The following COL4A4 variants were observed in gnomAD, a reference collection of about 807,000 sequenced individuals.
COL4A4 encodes collagen alpha-4(IV) chain.
In COL4A4, 105 loss-of-function variants were observed where a neutral mutation model predicts 192.9. The ratio of observed to expected loss-of-function variants is 0.54; its 90% CI spans 0.46 to 0.64. The LOEUF (loss-of-function observed/expected upper bound fraction) is 0.64. Ranked by LOEUF, COL4A4 falls within the 30% of genes least tolerant of loss-of-function variation. The pLI, the probability that COL4A4 is intolerant of heterozygous loss-of-function variation, is 0.00. For synonymous variants in COL4A4, 762 were observed against 769.9 expected, an observed-to-expected ratio of 0.99 and a Z score of 0.17; for missense variants, 1,967 against 2,169.3, an observed-to-expected ratio of 0.91 and a Z score of 1.85.
In COL4A4 at chr2:227,010,126, T is replaced by G. The variant is rs183164105; in HGVS notation, c.4522+187A>C. On this transcript the variant is annotated intron_variant, in intron 46 of 47. Coordinates refer to ENST00000396625, the MANE Select transcript of COL4A4 (RefSeq NM_000092.5). ...ATAATAATTATAGCCAGAATGAGCTTCTTTGACACTTCATAGGATCATAAG... is the reference window on the plus strand; with the variant it reads ...ATAATAATTATAGCCAGAATGAGCTGCTTTGACACTTCATAGGATCATAAG... Among the ~76,000 whole-genome samples the G allele has an allele frequency of 2.1e-3, 322 of 152,318 alleles. 2 individuals are homozygous for G. Among genetic ancestry groups the G allele is most frequent in the African/African-American group, 7.2e-3 (299 of 41,556 alleles).
At chr2:227,081,931 G>C (rs2059348073) in intron 23 of COL4A4, among the ~76,000 whole-genome samples, 184 bp downstream of exon 23, 1 of 152,180 alleles carries the variant, frequency 6.6e-6, no homozygotes, top group Non-Finnish European at 1.5e-5. Flanking sequence ...TTTCAAATAA[G>C]AGACAGGGGA....
In COL4A4 at chr2:227,028,144, G is replaced by A. The variant is rs1002955458; in HGVS notation, c.3974-135C>T. Reference sequence around the variant, plus strand: ...ATAGCTAGCCTGAGAGTCAAGATTAGCCTCGCCTTCTTCTGTGAGGCTTAG... The same window carrying A: ...ATAGCTAGCCTGAGAGTCAAGATTAACCTCGCCTTCTTCTGTGAGGCTTAG... On this transcript the variant is annotated intron_variant, in intron 41 of 47. Coordinates refer to ENST00000396625, the MANE Select transcript of COL4A4 (RefSeq NM_000092.5). The A allele has an allele frequency of 7.2e-6, 5 of 696,140 alleles. No homozygotes were observed. The African/African-American group carries it at 9.0e-5, about 12-fold the overall frequency. The allele number at this position is 696,140 out of a possible 1,614,324, so 43.1% of individuals were successfully genotyped here. A position where few individuals can be genotyped will look rare whatever the true frequency, so the allele number is the denominator to read the frequency against.
intron 4 of COL4A4, among the ~76,000 whole-genome samples, chr2:227,132,918 T>C (rs2062574193): frequency 6.6e-6 from 1 of 152,236 alleles, no homozygotes; most frequent in Non-Finnish European, 1.5e-5. Flanking sequence ...ACCATTATAA[T>C]TCCTCATCTT....
intron 8 of COL4A4, 176 bp downstream of exon 8, chr2:227,114,452 G>A (rs557600774): frequency 1.1e-5 from 8 of 705,256 alleles, no homozygotes; most frequent in African/African-American, 3.5e-5. Flanking sequence ...TTTTACTGGC[G>A]ACTAAAGCCA....
At chr2:227,060,622 A>G (rs1360806907) in intron 26 of COL4A4, among the ~76,000 whole-genome samples, 1 of 152,204 alleles carries the variant, frequency 6.6e-6, no homozygotes, top group South Asian at 2.1e-4. Context: ...CTACCTTGAC[A>G]AGAAAGGATC....
At chr2:227,059,356 CA>C (rs1559519800) in intron 28 of COL4A4, 48 bp downstream of exon 28, 3 of 1,515,466 alleles carry the variant, frequency 2.0e-6, no homozygotes, top group Non-Finnish European at 2.8e-6. Context: ...TGACCTGTTC[CA>C]AAACTGAGCC....
intron 7 of COL4A4, among the ~76,000 whole-genome samples, chr2:227,116,618 A>G (rs2061504608): frequency 6.6e-6 from 1 of 152,246 alleles, no homozygotes; most frequent in African/African-American, 2.4e-5. Context: ...TGAAATTCAA[A>G]TAAAACATAA....
intron 29 of COL4A4, 60 bp downstream of exon 29, chr2:227,057,379 G>A: frequency 1.3e-6 from 2 of 1,535,700 alleles, no homozygotes; most frequent in Non-Finnish European, 1.8e-6. Context: ...GAGTAAAAGG[G>A]GAGCTTATTT....
At chr2:226,997,659 T>C in the COL4A4 span, 1 of 152,316 alleles carries the variant, frequency 6.6e-6, no homozygotes, top group East Asian at 1.9e-4. Context: ...AGTCCACTAG[T>C]AGTACTTCCT....
intron 12 of COL4A4, 120 bp downstream of exon 12, chr2:227,108,461 G>C: frequency 1.1e-6 from 1 of 947,412 alleles, no homozygotes; most frequent in Non-Finnish European, 1.7e-6. Flanking sequence ...AAAGTTCTCA[G>C]CCATAAAATT....
rs534286583 is a variant in COL4A4, at chr2:227,078,791, G to A, written c.1804-714C>T. On this transcript the variant is annotated intron_variant, in intron 24 of 47. Coordinates refer to ENST00000396625, the MANE Select transcript of COL4A4 (RefSeq NM_000092.5). ...AGACTCCATCATCCTCCACCCCTGT[G>A]GGTAAAAGCCTAGCAAGTCCTTTCT... is the stretch of plus-strand genomic sequence containing the variant. 2.0e-5 allele frequency among the ~76,000 whole-genome samples: 3 copies of A among 152,286 alleles called. No homozygotes were observed. The South Asian group carries it at 6.2e-4, about 32-fold the overall frequency.
chr2:226,975,145 C>T, the COL4A4 span, among the ~76,000 whole-genome samples: 1 of 152,026 alleles, frequency 6.6e-6, no homozygotes, highest in Admixed American at 6.6e-5. Context: ...CTCCTAGGGC[C>T]TCCCAAGATT....
At chr2:227,039,974 T>C (rs898998169) in intron 37 of COL4A4, among the ~76,000 whole-genome samples, 1 of 152,246 alleles carries the variant, frequency 6.6e-6, no homozygotes, top group Non-Finnish European at 1.5e-5. Flanking sequence ...TGAAAATACA[T>C]GAGTATACCA....
chr2:227,055,151 A>G (rs1053590005), intron 30 of COL4A4, among the ~76,000 whole-genome samples: 3 of 152,098 alleles, frequency 2.0e-5, no homozygotes, highest in African/African-American at 4.8e-5. Flanking sequence ...TAGTTCATCT[A>G]CAGATGCAAA....
In COL4A4 at chr2:227,042,158, CG is replaced by C. The variant is rs1301207465; in HGVS notation, c.3494del (p.Pro1165ArgfsTer3). 6.2e-7 allele frequency: 1 copy of C among 1,602,640 alleles called. No individual in the cohort carries two copies. The highest frequency in any genetic ancestry group is 8.5e-7 in the Non-Finnish European group (1 of 1,169,728). Reference protein sequence around the residue: ...LQGDPGIPGPPGIKGPSGSPG... With the variant: ...LQGDPGIPGPXGIKGPSGSPG... ...TTCATTTTGACTTACCTTTTATTCCCGGAGGACCTGGTATCCCTGGATCCCC... is the reference window on the plus strand; with the variant it reads ...TTCATTTTGACTTACCTTTTATTCCCGAGGACCTGGTATCCCTGGATCCCC... On this transcript the variant is annotated frameshift_variant, in exon 37 of 48. Coordinates refer to ENST00000396625, the MANE Select transcript of COL4A4 (RefSeq NM_000092.5). LOFTEE classifies it high-confidence loss of function.
At chr2:227,041,846 A>AAGAAAGAAAGAGAGAGAGAGAG (rs1559478097) in intron 37 of COL4A4, among the ~76,000 whole-genome samples, 8 of 39,316 alleles carry the variant, frequency 2.0e-4, no homozygotes, top group Non-Finnish European at 2.7e-4. Flanking sequence ...GAAAGAAAGA[A>AAGAAAGAAAGAGAGAGAGAGAG]AGAGAAAGAA....
chr2:227,155,149 T>G (rs1490415481), intron 1 of COL4A4, among the ~76,000 whole-genome samples: 1 of 152,176 alleles, frequency 6.6e-6, no homozygotes, highest in African/African-American at 2.4e-5. Context: ...TCCAACTTGA[T>G]CAGAATGTGC....
At chr2:227,009,502 G>A (rs1472592383) in intron 46 of COL4A4, among the ~76,000 whole-genome samples, 5 of 151,968 alleles carry the variant, frequency 3.3e-5, no homozygotes, top group East Asian at 1.9e-4. Flanking sequence ...TCAGATATTC[G>A]AGACCTACCT....
rs367990198 is a variant in COL4A4 at position 227,053,203 on chromosome 2, T to C, written c.2861-791A>G. ...AATAGCACAGCAAACATCACTTATCTAAGCTAGCAAAGAGTGACTCTTTGA... is the reference window on the plus strand; with the variant it reads ...AATAGCACAGCAAACATCACTTATCCAAGCTAGCAAAGAGTGACTCTTTGA... On this transcript the variant is annotated intron_variant, in intron 31 of 47. Transcript: ENST00000396625. Among the ~76,000 whole-genome samples, 359 of 144,750 alleles carry C rather than the reference T, an allele frequency of 2.5e-3. 1 individual carries two copies. The highest frequency in any genetic ancestry group is 3.4e-3 in the Non-Finnish European group (219 of 65,018). The allele number at this position is 144,750 out of a possible 152,430, so 95.0% of individuals were successfully genotyped here. A position where few individuals can be genotyped will look rare whatever the true frequency, so the allele number is the denominator to read the frequency against.
Sources: allele counts gnomAD v4.1 joint callset (sites outside exome capture counted in the v4.1 genomes callset), GRCh38; gene constraint gnomAD v4.1.1; transcripts MANE v1.5; gene names NCBI Gene and HGNC (gene_info 2026-07-23, HGNC 2026-07-21).